Variants in KCNH8 observed in about 807,000 individuals in gnomAD.
KCNH8 encodes potassium voltage-gated channel subfamily H member 8.
Under a neutral mutation model 103.6 loss-of-function variants are expected in KCNH8, and 70 were observed. That is an observed-to-expected ratio of 0.68 (90% confidence interval 0.56 to 0.82). The LOEUF (loss-of-function observed/expected upper bound fraction) is 0.82. KCNH8 is among the 40% of genes least tolerant of loss of function. KCNH8 has a pLI of 0.00. For missense variants in KCNH8, 1,217 were observed against 1,329.9 expected (o/e 0.92, Z 1.32); for synonymous variants, 498 against 489.4 (o/e 1.02, Z -0.23).
Position 19,456,794 on chromosome 3 carries a change from C to A in KCNH8, c.1852C>A (p.Leu618Ile). The change falls in exon 11 of 16, where the codon CTA becomes ATA. Residue 618 changes from leucine (L) to isoleucine (I), a missense_variant. Physicochemically the swap from Leu to Ile is conservative, Grantham distance 5 (BLOSUM62 2). This residue lies in a region of KCNH8 where 415 missense variants were observed against 577.4 expected (regional missense o/e 0.72). Coordinates refer to ENST00000328405, the MANE Select transcript of KCNH8 (RefSeq NM_144633.3). ...LGKGDLIGAN[L>I]SIKDQVIKTN... ...GAAAGGGGATTTAATTGGAGCAAAT[C>A]TATCAATTAAGGACCAAGTGATCAA... is the stretch of plus-strand genomic sequence containing the variant. The A allele has an allele frequency of 6.2e-7, 1 of 1,608,860 alleles. No homozygotes were observed. The highest frequency in any genetic ancestry group is 8.5e-7 in the Non-Finnish European group (1 of 1,176,194).
chr3:19,420,844 A>G (rs1167067503), intron 7 of KCNH8, among the ~76,000 whole-genome samples: 2 of 152,184 alleles, frequency 1.3e-5, no homozygotes, highest in Non-Finnish European at 2.9e-5. Flanking sequence ...GTATTATTTT[A>G]TTGGCAACTG....
chr3:19,357,162 G>A (rs991095275), intron 5 of KCNH8, among the ~76,000 whole-genome samples: 3 of 151,590 alleles, frequency 2.0e-5, no homozygotes, highest in African/African-American at 7.3e-5. Context: ...TAAAGAGATT[G>A]TTTTGGTGGG....
intron 3 of KCNH8, among the ~76,000 whole-genome samples, chr3:19,305,770 A>G (rs1043486532): frequency 1.3e-5 from 2 of 152,034 alleles, no homozygotes; most frequent in Admixed American, 6.6e-5. Context: ...TCAGACACCA[A>G]TGGCTCAGTT....
intron 7 of KCNH8, among the ~76,000 whole-genome samples, chr3:19,414,865 A>G (rs1240727413): frequency 6.6e-6 from 1 of 152,004 alleles, no homozygotes; most frequent in Non-Finnish European, 1.5e-5. Flanking sequence ...AAAATTAGCA[A>G]ATATCTTAAC....
At chr3:19,409,163 G>T (rs2066738136) in intron 7 of KCNH8, among the ~76,000 whole-genome samples, 1 of 152,170 alleles carries the variant, frequency 6.6e-6, no homozygotes, top group Non-Finnish European at 1.5e-5. Flanking sequence ...CAAGCTAACA[G>T]CAGACTTGTC....
At chr3:19,213,095 T>G (rs1411036543) in intron 1 of KCNH8, among the ~76,000 whole-genome samples, 1 of 152,210 alleles carries the variant, frequency 6.6e-6, no homozygotes, top group Non-Finnish European at 1.5e-5. Context: ...ACTCCTTCTT[T>G]GCACCCAATG....
intron 2 of KCNH8, among the ~76,000 whole-genome samples, chr3:19,277,432 T>G (rs186444659): frequency 3.9e-5 from 6 of 152,120 alleles, no homozygotes; most frequent in Admixed American, 6.6e-5. Context: ...GGCGTGGTGG[T>G]GCACGTCTGT....
intron 4 of KCNH8, among the ~76,000 whole-genome samples, chr3:19,346,197 G>A (rs2065726027): frequency 6.6e-6 from 1 of 152,036 alleles, no homozygotes; most frequent in African/African-American, 2.4e-5. Context: ...TCAGTGGTGA[G>A]AAGATTAATG....
At chr3:19,336,318 A>AT in intron 3 of KCNH8, among the ~76,000 whole-genome samples, 1 of 151,806 alleles carries the variant, frequency 6.6e-6, no homozygotes, top group Non-Finnish European at 1.5e-5. Flanking sequence ...AATATAAAAA[A>AT]TTATACAAAA....
chr3:19,297,166 T>A (rs1310424103), intron 3 of KCNH8, among the ~76,000 whole-genome samples: 1 of 152,032 alleles, frequency 6.6e-6, no homozygotes, highest in Non-Finnish European at 1.5e-5. Flanking sequence ...AATACTGAGA[T>A]ACCCAGATAG....
intron 5 of KCNH8, among the ~76,000 whole-genome samples, chr3:19,367,380 C>T (rs1483206011): frequency 7.1e-6 from 1 of 140,236 alleles, no homozygotes; most frequent in Non-Finnish European, 1.5e-5. Context: ...TGTACCCCCA[C>T]TCTCTCTCTC....
intron 1 of KCNH8, among the ~76,000 whole-genome samples, chr3:19,204,510 A>G (rs1430267069): frequency 6.6e-6 from 1 of 151,946 alleles, no homozygotes; most frequent in African/African-American, 2.4e-5. Context: ...GTGGTTATCA[A>G]TTTTTCTTTC....
chr3:19,392,268 C>A (rs2066448400), intron 6 of KCNH8, among the ~76,000 whole-genome samples: 1 of 142,774 alleles, frequency 7.0e-6, no homozygotes, highest in African/African-American at 2.6e-5. Context: ...CTTATGTAAT[C>A]TAACACAAAT....
chr3:19,149,372 G>T (rs1037766456), intron 1 of KCNH8, among the ~76,000 whole-genome samples: 2 of 151,946 alleles, frequency 1.3e-5, no homozygotes, highest in African/African-American at 4.8e-5. Context: ...ATCCTTAAAT[G>T]AGCCTAACAC....
At chr3:19,290,830 T>C (rs755182268) in intron 3 of KCNH8, among the ~76,000 whole-genome samples, 44 of 152,318 alleles carry the variant, frequency 2.9e-4, no homozygotes, top group Middle Eastern at 3.4e-3. Context: ...TGGTACCAGC[T>C]CCTCTTTGTA....
chr3:19,375,857 A>G (rs1044236246), intron 5 of KCNH8, among the ~76,000 whole-genome samples: 1 of 151,814 alleles, frequency 6.6e-6, no homozygotes, highest in African/African-American at 2.4e-5. Flanking sequence ...CTGTTGGAGT[A>G]CCCTACTGTG....
At chr3:19,151,572 A>G (rs1183451349) in intron 1 of KCNH8, among the ~76,000 whole-genome samples, 1 of 152,106 alleles carries the variant, frequency 6.6e-6, no homozygotes. Context: ...AAAACAATGT[A>G]AGACATCATC....
chr3:19,443,869 C>T (rs1484745460), intron 8 of KCNH8, among the ~76,000 whole-genome samples: 1 of 151,936 alleles, frequency 6.6e-6, no homozygotes, highest in Non-Finnish European at 1.5e-5. Context: ...CAGAAAATTA[C>T]AAAACATTAG....
chr3:19,506,112 C>T (rs774420805), intron 11 of KCNH8, among the ~76,000 whole-genome samples: 2 of 152,058 alleles, frequency 1.3e-5, no homozygotes, highest in Non-Finnish European at 2.9e-5. Flanking sequence ...TCCTGAATCT[C>T]GATTGTCTAT....
Sources: gnomAD v4.1 joint callset for allele counts (sites outside exome capture counted in the v4.1 genomes callset) on GRCh38, gnomAD v4.1.1 for gene constraint, gnomAD v4.1.1 regional missense constraint, MANE v1.5 for transcripts, NCBI Gene and HGNC (gene_info 2026-07-23, HGNC 2026-07-21) for gene names.